Variants in CDH13 observed in about 807,000 individuals in gnomAD.
CDH13 encodes cadherin-13.
CDH13 carries 24 observed loss-of-function variants against 63.8 expected under a neutral mutation model. That is an observed-to-expected ratio of 0.38 (90% confidence interval 0.27 to 0.53). CDH13 has a LOEUF of 0.53. Ranked by LOEUF, CDH13 falls within the 20% of genes least tolerant of loss-of-function variation. The pLI, the probability that CDH13 is intolerant of heterozygous loss-of-function variation, is 0.85. For missense variants in CDH13, 1,049 were observed against 903.1 expected (o/e 1.16, Z -2.07); for synonymous variants, 503 against 355.3 (o/e 1.42, Z -4.67).
At chr16:83,271,846 C>A (rs1428600338) in intron 5 of CDH13, among the ~76,000 whole-genome samples, 2 of 152,164 alleles carry the variant, frequency 1.3e-5, no homozygotes, top group African/African-American at 4.8e-5. Flanking sequence ...TGTGTCACTG[C>A]ACTTGGGAGA....
chr16:83,317,522 C>A (rs17210046), intron 5 of CDH13, among the ~76,000 whole-genome samples: 15,901 of 152,050 alleles, frequency 0.1, 912 homozygotes, highest in Non-Finnish European at 0.12. Flanking sequence ...TGGCAGTGAG[C>A]GCCAGTCAAG....
At chr16:82,890,682 T>G (rs1341813932) in intron 2 of CDH13, among the ~76,000 whole-genome samples, 1 of 151,890 alleles carries the variant, frequency 6.6e-6, no homozygotes, top group Non-Finnish European at 1.5e-5. Flanking sequence ...GACTAACTTT[T>G]GCTCTGTAGC....
chr16:83,626,601 T>C (rs1232895869), intron 8 of CDH13, among the ~76,000 whole-genome samples: 1 of 152,010 alleles, frequency 6.6e-6, no homozygotes. Flanking sequence ...CTCTGAATGG[T>C]TCCTTTAGCT....
intron 4 of CDH13, among the ~76,000 whole-genome samples, chr16:83,169,700 A>C (rs1007678651): frequency 6.6e-6 from 1 of 152,034 alleles, no homozygotes; most frequent in African/African-American, 2.4e-5. Context: ...CTTGCCTGTC[A>C]TATGTTTGTT....
chr16:83,295,079 C>T (rs1168185327), intron 5 of CDH13, among the ~76,000 whole-genome samples: 1 of 152,056 alleles, frequency 6.6e-6, no homozygotes, highest in East Asian at 1.9e-4. Context: ...TAAACTCATG[C>T]ATCTATGGCC....
At chr16:83,702,350 G>T (rs1046736964) in intron 10 of CDH13, among the ~76,000 whole-genome samples, 1 of 152,108 alleles carries the variant, frequency 6.6e-6, no homozygotes, top group African/African-American at 2.4e-5. Flanking sequence ...TATTACAGTC[G>T]AACTGCAGAT....
intron 1 of CDH13, among the ~76,000 whole-genome samples, chr16:82,842,096 ATATATATATATATATG>A (rs1475053111): frequency 0.12 from 4,819 of 38,820 alleles, 152 homozygotes; most frequent in Non-Finnish European, 0.15. Flanking sequence ...TTCTACATAT[ATATATATATATATATG>A]TATATATATA....
At chr16:83,205,458 G>A (rs1013545391) in intron 4 of CDH13, among the ~76,000 whole-genome samples, 1 of 152,118 alleles carries the variant, frequency 6.6e-6, no homozygotes, top group African/African-American at 2.4e-5. Context: ...TATGTAAAAT[G>A]AGGTTCATAG....
intron 5 of CDH13, among the ~76,000 whole-genome samples, chr16:83,234,289 T>C (rs780707124): frequency 5.9e-5 from 9 of 152,166 alleles, no homozygotes; most frequent in Non-Finnish European, 1.0e-4. Flanking sequence ...AATGAGTGAG[T>C]GTCACAAAAC....
chr16:83,707,182 A>C (rs1185197947), intron 10 of CDH13, among the ~76,000 whole-genome samples: 2 of 151,936 alleles, frequency 1.3e-5, no homozygotes, highest in Non-Finnish European at 2.9e-5. Flanking sequence ...ACTGTCAGTC[A>C]CTCTTCCTAA....
At chr16:83,130,497 C>T (rs566252384) in intron 4 of CDH13, among the ~76,000 whole-genome samples, 4 of 152,116 alleles carry the variant, frequency 2.6e-5, no homozygotes, top group African/African-American at 9.6e-5. Flanking sequence ...GCAATGCACT[C>T]AAAAATAAGG....
chr16:83,214,658 C>T (rs998548486), intron 4 of CDH13, among the ~76,000 whole-genome samples: 11 of 146,130 alleles, frequency 7.5e-5, no homozygotes, highest in African/African-American at 2.8e-4. Context: ...TACCCATTAA[C>T]AACAGTGTAA....
intron 4 of CDH13, among the ~76,000 whole-genome samples, chr16:83,145,388 T>G (rs976921029): frequency 1.3e-5 from 2 of 152,210 alleles, no homozygotes; most frequent in Non-Finnish European, 2.9e-5. Flanking sequence ...TCAGAGAGCT[T>G]ATGCAATTTT....
intron 2 of CDH13, among the ~76,000 whole-genome samples, chr16:82,901,212 A>T (rs1026400486): frequency 6.6e-6 from 1 of 151,978 alleles, no homozygotes; most frequent in African/African-American, 2.4e-5. Context: ...TCTTGCTCTC[A>T]TCACAGCTTA....
At chr16:83,457,609 A>G (rs906968094) in intron 6 of CDH13, among the ~76,000 whole-genome samples, 1 of 152,136 alleles carries the variant, frequency 6.6e-6, no homozygotes, top group Non-Finnish European at 1.5e-5. Flanking sequence ...CACAGTAGCA[A>G]TAAGCAGGAG....
At chr16:83,080,379 C>A (rs2033148684) in intron 3 of CDH13, among the ~76,000 whole-genome samples, 1 of 152,108 alleles carries the variant, frequency 6.6e-6, no homozygotes, top group African/African-American at 2.4e-5. Flanking sequence ...CACTCTTATG[C>A]CAAGTATTTA....
At chr16:82,854,365 C>A (rs1295256657) in intron 1 of CDH13, among the ~76,000 whole-genome samples, 2 of 142,454 alleles carry the variant, frequency 1.4e-5, no homozygotes, top group Non-Finnish European at 3.0e-5. Flanking sequence ...CGTGCCACTG[C>A]ACTCCAACCT....
intron 7 of CDH13, among the ~76,000 whole-genome samples, chr16:83,502,385 C>T (rs887987963): frequency 2.0e-5 from 3 of 150,296 alleles, no homozygotes; most frequent in African/African-American, 7.4e-5. Flanking sequence ...GCATCTAAAA[C>T]AAAAAAGGAA....
chr16:83,768,616 C>T (rs1242002521), intron 11 of CDH13, among the ~76,000 whole-genome samples: 3 of 152,176 alleles, frequency 2.0e-5, no homozygotes, highest in Non-Finnish European at 4.4e-5. Flanking sequence ...CGACATCGAG[C>T]AGCCCCAAGG....
Sources: gnomAD v4.1 joint callset for allele counts (sites outside exome capture counted in the v4.1 genomes callset) on GRCh38, gnomAD v4.1.1 for gene constraint, MANE v1.5 for transcripts, NCBI Gene and HGNC (gene_info 2026-07-23, HGNC 2026-07-21) for gene names.